Variants in CLINT1 observed in about 807,000 individuals in gnomAD.
CLINT1 encodes clathrin interactor 1.
CLINT1 carries 15 observed loss-of-function variants against 70.4 expected under a neutral mutation model. The observed-to-expected ratio is 0.21, with a 90% CI of 0.14 to 0.33. The LOEUF is 0.33. CLINT1 is among the 10% of genes least tolerant of loss of function. The probability of loss-of-function intolerance (pLI) is 1.00; values close to 1 mark genes in which losing one functional copy is unlikely to be tolerated. For missense variants in CLINT1, 615 were observed against 778.1 expected (o/e 0.79, Z 2.49); for synonymous variants, 227 against 254.7 (o/e 0.89, Z 1.04).
At chr5:157,792,382 C>G (rs987067639) in intron 9 of CLINT1, among the ~76,000 whole-genome samples, 2 of 152,034 alleles carry the variant, frequency 1.3e-5, no homozygotes, top group Non-Finnish European at 2.9e-5. Flanking sequence ...CTCATCTCTA[C>G]TAAAAATACA....
At chr5:157,855,765 T>C (rs908240704) in intron 1 of CLINT1, among the ~76,000 whole-genome samples, 11 of 152,140 alleles carry the variant, frequency 7.2e-5, no homozygotes, top group African/African-American at 2.7e-4. Context: ...CGAAACCCCG[T>C]GTCTACTAAA....
chr5:157,858,181 G>C (rs1561682598), intron 1 of CLINT1, among the ~76,000 whole-genome samples: 1 of 152,072 alleles, frequency 6.6e-6, no homozygotes, highest in African/African-American at 2.4e-5. Context: ...TATAAACCTG[G>C]GTTGTTTTTT....
intron 8 of CLINT1, among the ~76,000 whole-genome samples, chr5:157,796,989 A>G (rs763678446): frequency 6.6e-6 from 1 of 152,060 alleles, no homozygotes; most frequent in Non-Finnish European, 1.5e-5. Context: ...TCTAATTTTT[A>G]CTTCATCTAA....
chr5:157,788,535 A>C (rs1346393193), intron 11 of CLINT1, among the ~76,000 whole-genome samples: 1 of 152,244 alleles, frequency 6.6e-6, no homozygotes, highest in Non-Finnish European at 1.5e-5. Context: ...AGCAAGGGAA[A>C]TCATACACTA....
intron 8 of CLINT1, among the ~76,000 whole-genome samples, chr5:157,800,604 C>A (rs887241522): frequency 1.2e-4 from 18 of 152,156 alleles, no homozygotes; most frequent in African/African-American, 4.3e-4. Flanking sequence ...TAGGAGATAA[C>A]TTTAATTTTA....
rs1185011292 is a variant in CLINT1 at position 157,786,636 on chromosome 5, T to G, written c.*1010A>C. ...TTTAACTCCTCTATTGGAACCATAT[T>G]GCTAATGCTGCATTATATACACTCA... On this transcript the variant is annotated 3_prime_UTR_variant, in exon 12 of 12. Transcript: ENST00000411809. The G allele has an allele frequency of 1.3e-5, 2 of 152,610 alleles. No homozygotes were observed. The highest frequency in any genetic ancestry group is 2.9e-5 in the Non-Finnish European group (2 of 68,016). 9.5% of individuals were successfully genotyped at this position (152,610 alleles called of 1,614,324 possible).
chr5:157,810,145 TTC>T (rs888017943), intron 5 of CLINT1, among the ~76,000 whole-genome samples: 2 of 152,224 alleles, frequency 1.3e-5, no homozygotes, highest in Non-Finnish European at 1.5e-5. Flanking sequence ...ATGAAAATCT[TTC>T]TGTTTTCACA....
chr5:157,798,443 C>T (rs574893453), intron 8 of CLINT1, among the ~76,000 whole-genome samples: 3 of 151,908 alleles, frequency 2.0e-5, no homozygotes, highest in Non-Finnish European at 4.4e-5. Flanking sequence ...ATATTGTGAA[C>T]AAGAAAATAC....
chr5:157,837,712 T>C lies in CLINT1; in HGVS notation c.42-20165A>G, dbSNP rs1266883511. ...AGGCTGGAGCACAGTGGCGTGATCT[T>C]GGCTCACTGCAACCTCCACCTCCCA... On this transcript the variant is annotated intron_variant, in intron 1 of 11. Transcript: ENST00000411809. Among the ~76,000 whole-genome samples, 13 of 148,870 alleles carry C rather than the reference T, an allele frequency of 8.7e-5. No homozygotes were observed. The South Asian group carries it at 2.5e-3, about 29-fold the overall frequency.
At chr5:157,838,112 A>G (rs1248055224) in intron 1 of CLINT1, among the ~76,000 whole-genome samples, 1 of 147,920 alleles carries the variant, frequency 6.8e-6, no homozygotes, top group Non-Finnish European at 1.5e-5. Context: ...ATTTAAGTCA[A>G]GGTTTTTTTG....
chr5:157,820,298 A>T (rs1352449335), intron 1 of CLINT1, among the ~76,000 whole-genome samples: 1 of 151,984 alleles, frequency 6.6e-6, no homozygotes, highest in Non-Finnish European at 1.5e-5. Context: ...AAAATACAAA[A>T]ATTTGCTGGG....
At chr5:157,811,235 T>C (rs956968935) in intron 5 of CLINT1, among the ~76,000 whole-genome samples, 3 of 152,184 alleles carry the variant, frequency 2.0e-5, no homozygotes, top group African/African-American at 7.2e-5. Context: ...CATTATCTAA[T>C]GTCAGAATGA....
chr5:157,848,384 A>G (rs1253347428), intron 1 of CLINT1, among the ~76,000 whole-genome samples: 5 of 150,790 alleles, frequency 3.3e-5, no homozygotes, highest in Non-Finnish European at 7.4e-5. Context: ...GGCGTGAGCC[A>G]CTGCACCCGA....
rs971021540 is a variant in CLINT1 at position 157,786,777 on chromosome 5, A to T, written c.*869T>A. 1 of 152,382 alleles carries T rather than the reference A, an allele frequency of 6.6e-6. No individual in the cohort carries two copies. The highest frequency in any genetic ancestry group is 2.4e-5 in the African/African-American group (1 of 41,454). The allele number at this position is 152,382 out of a possible 1,614,324, so 9.4% of individuals were successfully genotyped here. ...ACCTTTGCAGACACCCAAAAAAAAA[A>T]TAAAATAAATATTTTTCTGACTGTT... On this transcript the variant is annotated 3_prime_UTR_variant, in exon 12 of 12. Transcript: ENST00000411809.
rs1436225875 is a variant in CLINT1 at position 157,787,265 on chromosome 5, A to G, written c.*381T>C. On this transcript the variant is annotated 3_prime_UTR_variant, in exon 12 of 12. Coordinates refer to ENST00000411809, the MANE Select transcript of CLINT1 (RefSeq NM_014666.4). Reference sequence around the variant, plus strand: ...AATTATGACAAGGCGATCCAGGGACAGAAAAATCAAGTTCCTCAGGAAAAG... The same window carrying G: ...AATTATGACAAGGCGATCCAGGGACGGAAAAATCAAGTTCCTCAGGAAAAG... 5.6e-6 allele frequency: 1 copy of G among 179,092 alleles called. No homozygotes were observed. Among genetic ancestry groups the G allele is most frequent in the African/African-American group, 2.4e-5 (1 of 41,934 alleles). The allele number at this position is 179,092 out of a possible 1,614,324, so 11.1% of individuals were successfully genotyped here.
chr5:157,843,164 TTTTATAAAAA>T (rs1753247223), intron 1 of CLINT1, among the ~76,000 whole-genome samples: 1 of 152,174 alleles, frequency 6.6e-6, no homozygotes, highest in African/African-American at 2.4e-5. Context: ...GGGGTTTAAA[TTTTATAAAAA>T]TTTATTTCCC....
chr5:157,857,185 T>C (rs916686983), intron 1 of CLINT1, among the ~76,000 whole-genome samples: 2 of 141,750 alleles, frequency 1.4e-5, no homozygotes, highest in East Asian at 4.1e-4. Context: ...AGTTGGAGGG[T>C]GCAGTGAGTT....
intron 1 of CLINT1, among the ~76,000 whole-genome samples, chr5:157,836,161 T>C (rs1763415099): frequency 6.6e-6 from 1 of 152,216 alleles, no homozygotes; most frequent in African/African-American, 2.4e-5. Flanking sequence ...AATACAGCCA[T>C]ATTTGTTTGG....
At chr5:157,831,933 A>C (rs1415123810) in intron 1 of CLINT1, among the ~76,000 whole-genome samples, 2 of 149,934 alleles carry the variant, frequency 1.3e-5, no homozygotes, top group South Asian at 2.1e-4. Context: ...CTCATGATCC[A>C]CCCCCGCCCA....
Sources: gnomAD v4.1 joint callset for allele counts (sites outside exome capture counted in the v4.1 genomes callset) on GRCh38, gnomAD v4.1.1 for gene constraint, MANE v1.5 for transcripts, NCBI Gene and HGNC (gene_info 2026-07-23, HGNC 2026-07-21) for gene names.